KCNJ4: variants seen among roughly 807,000 people sequenced by gnomAD.
KCNJ4 encodes the protein inward rectifier potassium channel 4.
Under a neutral mutation model 25.6 loss-of-function variants are expected in KCNJ4, and 3 were observed. The observed-to-expected ratio is 0.12, with a 90% CI of 0.05 to 0.30. The LOEUF (loss-of-function observed/expected upper bound fraction) is 0.30, where lower values mean the gene tolerates loss of function less well. KCNJ4 is among the 10% of genes least tolerant of loss of function. The pLI is 1.00. For missense variants in KCNJ4, 286 were observed against 666.8 expected, an observed-to-expected ratio of 0.43 and a Z score of 6.29; for synonymous variants, 257 against 283.9, an observed-to-expected ratio of 0.91 and a Z score of 0.95.
chr22:38,446,954 C>CAAAAAAAAAAAAAAAAAAAA (rs11294836), intron 1 of KCNJ4, among the ~76,000 whole-genome samples: 3 of 133,904 alleles, frequency 2.2e-5, no homozygotes, highest in African/African-American at 5.5e-5. Context: ...GACTCCATCT[C>CAAAAAAAAAAAAAAAAAAAA]AAAAAAAAAA....
chr22:38,447,327 C>T (rs1336641834), intron 1 of KCNJ4, among the ~76,000 whole-genome samples: 2 of 152,146 alleles, frequency 1.3e-5, no homozygotes, highest in African/African-American at 4.8e-5. Flanking sequence ...GGACTTGAGG[C>T]CCATTTCTCA....
chr22:38,443,573 T>C lies in KCNJ4; in HGVS notation c.-40+11407A>G, dbSNP rs28603131. 2.6e-5 allele frequency among the ~76,000 whole-genome samples: 4 copies of C among 152,116 alleles called. No homozygotes were observed. Among genetic ancestry groups the C allele is most frequent in the Admixed American group, 2.0e-4 (3 of 15,280 alleles). ...TCCCTAAGCCCAACCGCAATAACAATGGGTTAATAACTAACATGCACTTAG... is the reference window on the plus strand; with the variant it reads ...TCCCTAAGCCCAACCGCAATAACAACGGGTTAATAACTAACATGCACTTAG... On this transcript the variant is annotated intron_variant, in intron 1 of 1. Coordinates refer to ENST00000303592, the MANE Select transcript of KCNJ4 (RefSeq NM_152868.3). The surrounding 1 kb of genome is among the most constrained non-coding windows in gnomAD (Gnocchi z 4.1).
In KCNJ4 at chr22:38,444,104, C is replaced by G. The variant is rs542987248; in HGVS notation, c.-40+10876G>C. ...AAAGGCTGCCTGTTCCAAGAGGCCCCGAGGCCCTCCCTCCCATCCAGCTCT... is the reference window on the plus strand; with the variant it reads ...AAAGGCTGCCTGTTCCAAGAGGCCCGGAGGCCCTCCCTCCCATCCAGCTCT... On this transcript the variant is annotated intron_variant, in intron 1 of 1. Coordinates refer to ENST00000303592, the MANE Select transcript of KCNJ4 (RefSeq NM_152868.3). Among the ~76,000 whole-genome samples, 17 of 152,244 alleles carry G rather than the reference C, an allele frequency of 1.1e-4. No individual in the cohort carries two copies. The East Asian group carries it at 2.9e-3, about 26-fold the overall frequency.
intron 1 of KCNJ4, among the ~76,000 whole-genome samples, chr22:38,437,857 C>T (rs527480775): frequency 6.6e-6 from 1 of 152,274 alleles, no homozygotes; most frequent in Admixed American, 6.5e-5. Flanking sequence ...AATCCTAGCA[C>T]TTTGGGAGGC....
intron 1 of KCNJ4, among the ~76,000 whole-genome samples, chr22:38,435,988 T>G (rs986530931): frequency 1.3e-5 from 2 of 152,062 alleles, no homozygotes; most frequent in African/African-American, 2.4e-5. Context: ...GGCCCTGCAG[T>G]CCCCTGTCCC....
rs577004695 is a variant in KCNJ4 at position 38,431,125 on chromosome 22, A to G, written c.-39-2954T>C. 2.0e-5 allele frequency among the ~76,000 whole-genome samples: 3 copies of G among 152,338 alleles called. 1 individual carries two copies. The highest frequency in any genetic ancestry group is 7.2e-5 in the African/African-American group (3 of 41,582). On this transcript the variant is annotated intron_variant, in intron 1 of 1. Coordinates refer to ENST00000303592, the MANE Select transcript of KCNJ4 (RefSeq NM_152868.3). ...GGGTGAGGTCACTGAGCTCCAGAGA[A>G]GGTGGGGGGCCCTGCCCAAGGCCAA...
At chr22:38,447,036 C>T (rs916137427) in intron 1 of KCNJ4, among the ~76,000 whole-genome samples, 1 of 152,030 alleles carries the variant, frequency 6.6e-6, no homozygotes, top group Non-Finnish European at 1.5e-5. Flanking sequence ...GAAAAACCTG[C>T]CCCAGATTCC....
rs1349187804 is a variant in KCNJ4, at chr22:38,426,667, AC to A, written c.*127del. On this transcript the variant is annotated 3_prime_UTR_variant, in exon 2 of 2. Transcript: ENST00000303592. ...AGGAAGGGGTCCCCCAGTCTTTGAA[AC>A]CCCCACCTTCCTCCAGAAGGTCCAC... is the stretch of plus-strand genomic sequence containing the variant. 9 of 1,228,594 alleles carry A rather than the reference AC, an allele frequency of 7.3e-6. No individual in the cohort carries two copies. Among genetic ancestry groups the A allele is most frequent in the South Asian group, 5.9e-5 (4 of 67,378 alleles). The allele number at this position is 1,228,594 out of a possible 1,614,324, so 76.1% of individuals were successfully genotyped here.
At chr22:38,444,796 G>A (rs2089361926) in intron 1 of KCNJ4, among the ~76,000 whole-genome samples, 1 of 152,108 alleles carries the variant, frequency 6.6e-6, no homozygotes, top group Admixed American at 6.5e-5. Flanking sequence ...CTTCCCACTG[G>A]CTCCTCAGGC....
chr22:38,439,167 CT>C, intron 1 of KCNJ4, among the ~76,000 whole-genome samples: 1 of 152,322 alleles, frequency 6.6e-6, no homozygotes, highest in Admixed American at 6.5e-5. Flanking sequence ...TGGCTTGGAC[CT>C]GTGAGGTGCA....
chr22:38,445,361 G>A (rs1048402661), intron 1 of KCNJ4, among the ~76,000 whole-genome samples: 6 of 152,150 alleles, frequency 3.9e-5, no homozygotes, highest in Non-Finnish European at 4.4e-5. Context: ...CAGGGAAATC[G>A]GAACCTGAGC....
rs1306627306 is a variant in KCNJ4 at position 38,427,300 on chromosome 22, T to G, written c.833A>C (p.Glu278Ala). The G allele has an allele frequency of 1.2e-6, 2 of 1,613,620 alleles. No individual in the cohort carries two copies. The highest frequency in any genetic ancestry group is 2.2e-5 in the South Asian group (2 of 91,048). Residue 278 changes from glutamate (E) to alanine (A), a missense_variant, in exon 2 of 2, where the codon GAG becomes GCG. This residue lies in a region of KCNJ4 where 39 missense variants were observed against 100.9 expected (regional missense o/e 0.39). Transcript: ENST00000303592. ...DSPLYGMGKE[E>A]LESEDFEIVV... Reference sequence around the variant, plus strand: ...GATCTCAAAGTCCTCCGACTCCAGCTCCTCCTTGCCCATGCCATAAAGCGG... The same window carrying G: ...GATCTCAAAGTCCTCCGACTCCAGCGCCTCCTTGCCCATGCCATAAAGCGG...
intron 1 of KCNJ4, among the ~76,000 whole-genome samples, chr22:38,450,642 A>G (rs2089405107): frequency 6.6e-6 from 1 of 152,158 alleles, no homozygotes; most frequent in South Asian, 2.1e-4. Context: ...ACTCACTGGC[A>G]CAGGGGACAG....
At chr22:38,439,571 T>C (rs1417871970) in intron 1 of KCNJ4, among the ~76,000 whole-genome samples, 2 of 150,928 alleles carry the variant, frequency 1.3e-5, no homozygotes, top group Non-Finnish European at 1.5e-5. Flanking sequence ...GGTCAGGAGA[T>C]TGAGTCCATC....
At position 38,426,658 on chromosome 22, in the gene KCNJ4, G is replaced by T; in HGVS notation, c.*137C>A. 8.8e-7 allele frequency: 1 copy of T among 1,142,456 alleles called. No individual in the cohort carries two copies. The highest frequency in any genetic ancestry group is 1.3e-6 in the Non-Finnish European group (1 of 798,962). 70.8% of individuals were successfully genotyped at this position (1,142,456 alleles called of 1,614,324 possible). ...GGAGTCAGGAGGAAGGGGTCCCCCA[G>T]TCTTTGAAACCCCCACCTTCCTCCA... On this transcript the variant is annotated 3_prime_UTR_variant, in exon 2 of 2. Transcript: ENST00000303592.
chr22:38,440,034 T>C (rs1602639853), intron 1 of KCNJ4, among the ~76,000 whole-genome samples: 1 of 148,422 alleles, frequency 6.7e-6, no homozygotes, highest in South Asian at 2.1e-4. Flanking sequence ...GAGCTTGCAG[T>C]GAGCTGAGAT....
intron 1 of KCNJ4, among the ~76,000 whole-genome samples, chr22:38,432,162 A>G (rs1050893506): frequency 1.3e-5 from 2 of 151,834 alleles, no homozygotes; most frequent in East Asian, 1.9e-4. Context: ...AGGCTGAGGC[A>G]GAAGGATTGC....
Position 38,427,467 on chromosome 22 carries a change from C to T in KCNJ4, c.666G>A (p.Gln222=). Residue 222 remains glutamine, a synonymous_variant, in exon 2 of 2, where the codon CAG becomes CAA. Coordinates refer to ENST00000303592, the MANE Select transcript of KCNJ4 (RefSeq NM_152868.3). ...CCTGGGTCATGTAGGGCTTGATGAG[C>T]TGGGCCCGCACGTGGGCCTCCACAA... The part of the protein sequence containing the change: ...SHIVEAHVRA[Q]LIKPYMTQEG... 6.2e-7 allele frequency: 1 copy of T among 1,612,692 alleles called. No homozygotes were observed. The highest frequency in any genetic ancestry group is 8.5e-7 in the Non-Finnish European group (1 of 1,179,102).
At chr22:38,451,817 G>A (rs976770316) in intron 1 of KCNJ4, among the ~76,000 whole-genome samples, 1 of 151,708 alleles carries the variant, frequency 6.6e-6, no homozygotes, top group South Asian at 2.1e-4. Context: ...CTGTGACCCT[G>A]ATGGGTCTAC....
Sources: gnomAD v4.1 joint callset for allele counts (sites outside exome capture counted in the v4.1 genomes callset) on GRCh38, gnomAD v4.1.1 for gene constraint, gnomAD v4.1.1 regional missense constraint, Gnocchi (gnomAD v3.1) non-coding constraint, MANE v1.5 for transcripts, NCBI Gene and HGNC (gene_info 2026-07-23, HGNC 2026-07-21) for gene names.